MYL5: variants seen among roughly 807,000 people sequenced by gnomAD.
MYL5 encodes myosin regulatory light chain 5.
MYL5 carries 28 observed loss-of-function variants against 20.8 expected under a neutral mutation model. The observed-to-expected ratio is 1.35, with a 90% CI of 1.00 to 1.84. The LOEUF (loss-of-function observed/expected upper bound fraction) is 1.84, where lower values mean the gene tolerates loss of function less well. Ranked by LOEUF, MYL5 falls within the 40% of genes most tolerant of loss-of-function variation. The pLI, the probability that MYL5 is intolerant of heterozygous loss-of-function variation, is 0.00. For synonymous variants in MYL5, 118 were observed against 87.4 expected (o/e 1.35, Z -1.95); for missense variants, 274 against 227.3 (o/e 1.21, Z -1.32).
chr4:678,569 CA>C (rs1739095014), intron 1 of MYL5, 88 bp from the exon 4 acceptor site: 2 of 1,517,648 alleles, frequency 1.3e-6, no homozygotes, highest in South Asian at 2.5e-5. Context: ...GTCCACCCTT[CA>C]TCTGAGTTAA....
chr4:674,556 C>T (rs978080332), upstream of MYL5: 2 of 461,020 alleles, frequency 4.3e-6, no homozygotes, highest in East Asian at 4.2e-5. Flanking sequence ...CCCCGCAGGG[C>T]TGGGGGTCCG....
chr4:678,531 C>T (rs13110755), intron 1 of MYL5, 127 bp from the exon 4 acceptor site: 52 of 1,462,660 alleles, frequency 3.6e-5, no homozygotes, highest in Admixed American at 3.5e-4. Flanking sequence ...CCTCAGCTGT[C>T]TGGCCCCCTC....
intron 5 of MYL5, chr4:680,789 G>A (rs1279052273): frequency 9.2e-6 from 6 of 651,890 alleles, no homozygotes; most frequent in Non-Finnish European, 1.3e-5. Flanking sequence ...CCTGTGCCCG[G>A]TGGGGGTGGG....
chr4:677,796 G>C (rs1738994587), upstream of MYL5: 2 of 650,324 alleles, frequency 3.1e-6, no homozygotes, highest in African/African-American at 3.6e-5. Context: ...CCTGGCCAGA[G>C]GTATCTGGGG....
upstream of MYL5, chr4:676,277 G>A (rs1315822308): frequency 2.0e-5 from 3 of 152,340 alleles, no homozygotes; most frequent in African/African-American, 7.2e-5. Flanking sequence ...CCTGCTTCCA[G>A]AATCAAAAAT....
At chr4:676,860 T>C (rs1738889716), upstream of MYL5, 1 of 985,112 alleles carries the variant, frequency 1.0e-6, no homozygotes, top group Middle Eastern at 5.2e-4. Context: ...GGGCAGGTCA[T>C]GCCTCCAGGG....
At position 681,960 on chromosome 4, in the gene MYL5, AC is replaced by A. The variant is rs764986838; in HGVS notation, c.489del (p.Tyr163Ter). 2 of 1,370,056 alleles carry A rather than the reference AC, an allele frequency of 1.5e-6. No homozygotes were observed. The highest frequency in any genetic ancestry group is 3.0e-5 in the African/African-American group (2 of 66,666). 84.9% of individuals were successfully genotyped at this position (1,370,056 alleles called of 1,614,324 possible). ...AACCTGGACTACAAGGCGCTCAGCT[AC>A]GTGATCACCCACGGGGAGGAGAAGG... On this transcript the variant is annotated frameshift_variant, in exon 7 of 7. Transcript: ENST00000400159. LOFTEE classifies it low-confidence loss of function (END_TRUNC).
chr4:680,740 C>G lies in MYL5; in HGVS notation c.371+153C>G. 1 of 797,578 alleles carries G rather than the reference C, an allele frequency of 1.3e-6. No individual in the cohort carries two copies. Among genetic ancestry groups the G allele is most frequent in the Non-Finnish European group, 2.0e-6 (1 of 503,004 alleles). The allele number at this position is 797,578 out of a possible 1,614,324, so 49.4% of individuals were successfully genotyped here. ...ATGAGGAGCGAACCCAGGATCCCAG[C>G]TGAGTGGGAGGCCAGCCCTGCTCAC... On this transcript the variant is annotated intron_variant, in intron 5 of 6. Coordinates refer to ENST00000400159, the Ensembl canonical transcript of MYL5.
upstream of MYL5, chr4:676,751 C>T (rs945003408): frequency 6.0e-5 from 18 of 301,094 alleles, no homozygotes; most frequent in African/African-American, 2.7e-4. Flanking sequence ...ACCCAGACCC[C>T]ACTGGACTGG....
chr4:681,221 G>C (rs1399292924), intron 6 of MYL5, 81 bp downstream of exon 8: 5 of 1,512,682 alleles, frequency 3.3e-6, no homozygotes, highest in African/African-American at 1.4e-5. Flanking sequence ...GGGACGCGGA[G>C]CCCGAGGAGC....
At chr4:676,902 G>A (rs1738894386), upstream of MYL5, 1 of 985,242 alleles carries the variant, frequency 1.0e-6, no homozygotes. Flanking sequence ...GCTTCATAGA[G>A]GCCGCTGGAC....
Position 678,954 on chromosome 4 carries a change from C to T in MYL5, c.112-4C>T. Reference sequence around the variant, plus strand: ...AGCACAGCAGCCCTGACCTTGGTCCCCAGGCATTCACACTCATGGATCAGA... The same window carrying T: ...AGCACAGCAGCCCTGACCTTGGTCCTCAGGCATTCACACTCATGGATCAGA... On this transcript the variant is annotated splice_polypyrimidine_tract_variant and splice_region_variant and intron_variant, in intron 2 of 6. Transcript: ENST00000400159. 1 of 1,613,764 alleles carries T rather than the reference C, an allele frequency of 6.2e-7. No individual in the cohort carries two copies.
upstream of MYL5, chr4:676,960 T>C (rs1192696673): frequency 1.5e-5 from 15 of 983,782 alleles, no homozygotes; most frequent in African/African-American, 3.5e-5. Flanking sequence ...ACTGTGACCA[T>C]GTGTCCCTCA....
intron 5 of MYL5, 89 bp downstream of exon 7, chr4:680,676 G>C: frequency 7.3e-7 from 1 of 1,363,288 alleles, no homozygotes; most frequent in Non-Finnish European, 1.0e-6. Context: ...GCCACCAGAT[G>C]CCACGCCCAC....
Position 680,496 on chromosome 4 carries a change from G to A in MYL5, c.293-13G>A, listed in dbSNP as rs1739351660. On this transcript the variant is annotated splice_polypyrimidine_tract_variant and intron_variant, in intron 4 of 6. Transcript: ENST00000400159. ...ACCCTGACGGCCCTGGGCTGAAGGT[G>A]CCTTTGTGGCAGGTACCGACGCCGA... The A allele has an allele frequency of 1.2e-6, 2 of 1,613,404 alleles. No individual in the cohort carries two copies. Among genetic ancestry groups the A allele is most frequent in the Non-Finnish European group, 1.7e-6 (2 of 1,179,886 alleles).
upstream of MYL5, chr4:674,710 C>G (rs1342280359): frequency 1.0e-5 from 2 of 193,868 alleles, no homozygotes; most frequent in Non-Finnish European, 2.1e-5. Context: ...CGGGTCCAGC[C>G]CCGCGGACCG....
Position 680,956 on chromosome 4 carries a change from C to T in MYL5, c.372-136C>T, listed in dbSNP as rs188598484. 805 of 1,011,146 alleles carry T rather than the reference C, an allele frequency of 8.0e-4. 5 individuals carry two copies. The highest frequency in any genetic ancestry group is 9.6e-4 in the Non-Finnish European group (649 of 673,680). 62.6% of individuals were successfully genotyped at this position (1,011,146 alleles called of 1,614,324 possible). A position where few individuals can be genotyped will look rare whatever the true frequency, so the allele number is the denominator to read the frequency against. On this transcript the variant is annotated intron_variant, in intron 5 of 6. Coordinates refer to ENST00000400159, the Ensembl canonical transcript of MYL5. ...GTGTGTGTTGGGAAGGGACCTGCCCCAGGGCCACACTCCAGCGGGAAGGGC... is the reference window on the plus strand; with the variant it reads ...GTGTGTGTTGGGAAGGGACCTGCCCTAGGGCCACACTCCAGCGGGAAGGGC...
At chr4:679,963 C>T (rs373011526) in exon 4 of MYL5, 10 of 1,613,554 alleles carry the variant, frequency 6.2e-6, no homozygotes, top group East Asian at 2.2e-5. Context: ...TCAAAGAGGC[C>T]TCGGGGCCCA....
At chr4:680,691 C>A in intron 5 of MYL5, 104 bp downstream of exon 7, 1 of 1,159,738 alleles carries the variant, frequency 8.6e-7, no homozygotes, top group Non-Finnish European at 1.3e-6. Flanking sequence ...GCCCACCTCC[C>A]CACCTCTGAC....
Sources: allele counts gnomAD v4.1 joint callset, GRCh38; gene constraint gnomAD v4.1.1; transcripts MANE v1.5; gene names NCBI Gene and HGNC (gene_info 2026-07-23, HGNC 2026-07-21).